Variants in PLCB1 observed in about 807,000 individuals in gnomAD.
PLCB1 encodes the protein phospholipase C beta 1, also known as 1-phosphatidylinositol 4,5-bisphosphate phosphodiesterase beta-1.
Under a neutral mutation model 161.8 loss-of-function variants are expected in PLCB1, and 46 were observed. The observed-to-expected ratio is 0.28, with a 90% CI of 0.22 to 0.36. PLCB1 has a LOEUF of 0.36. PLCB1 is among the 10% of genes least tolerant of loss of function. The pLI is 1.00. For synonymous variants in PLCB1, 517 were observed against 503.7 expected, an observed-to-expected ratio of 1.03 and a Z score of -0.35; for missense variants, 1,016 against 1,472.5, an observed-to-expected ratio of 0.69 and a Z score of 5.07.
At chr20:8,780,065 A>G (rs1304315385) in intron 27 of PLCB1, among the ~76,000 whole-genome samples, 2 of 152,218 alleles carry the variant, frequency 1.3e-5, no homozygotes, top group Non-Finnish European at 2.9e-5. Context: ...CCAGAGAAGA[A>G]CTACAGGGTC....
In PLCB1 at chr20:8,514,519, C is replaced by CA. The variant is rs374512384; in HGVS notation, c.247-113766dup. ...AAAACTCCATCTCTACAGAAAAATA[C>CA]AAAAAAAAATTAGCAAGGCATGGTG... On this transcript the variant is annotated intron_variant, in intron 3 of 31. Coordinates refer to ENST00000338037, the MANE Select transcript of PLCB1 (RefSeq NM_015192.4). Among the ~76,000 whole-genome samples the CA allele has an allele frequency of 1.5e-4, 21 of 143,736 alleles. No individual in the cohort carries two copies. The South Asian group carries it at 2.5e-3, about 17-fold the overall frequency. The allele number at this position is 143,736 out of a possible 152,430, so 94.3% of individuals were successfully genotyped here.
intron 26 of PLCB1, among the ~76,000 whole-genome samples, chr20:8,769,151 A>C (rs1427159423): frequency 6.6e-6 from 1 of 152,164 alleles, no homozygotes; most frequent in Admixed American, 6.5e-5. Flanking sequence ...CTCAGGGCTT[A>C]TTTAGCTGTC....
chr20:8,576,844 AC>A (rs1290963517), intron 3 of PLCB1, among the ~76,000 whole-genome samples: 1 of 152,244 alleles, frequency 6.6e-6, no homozygotes, highest in Non-Finnish European at 1.5e-5. Context: ...TTAATGATTA[AC>A]TACACAATAA....
chr20:8,303,007 A>T (rs529267003), intron 2 of PLCB1, among the ~76,000 whole-genome samples: 1 of 152,364 alleles, frequency 6.6e-6, no homozygotes, highest in East Asian at 1.9e-4. Context: ...GCTGTGAGGT[A>T]GGGATCAATG....
intron 3 of PLCB1, among the ~76,000 whole-genome samples, chr20:8,454,398 A>G (rs1274548380): frequency 6.6e-6 from 1 of 152,190 alleles, no homozygotes; most frequent in African/African-American, 2.4e-5. Context: ...TGTGTTTTTA[A>G]AAGATCAAAC....
intron 3 of PLCB1, among the ~76,000 whole-genome samples, chr20:8,478,932 A>G (rs923395964): frequency 6.6e-6 from 1 of 152,208 alleles, no homozygotes; most frequent in East Asian, 1.9e-4. Context: ...CTTGGTTTAC[A>G]TGGCTTATAA....
At chr20:8,395,006 TTTTC>T (rs1455618180) in intron 3 of PLCB1, among the ~76,000 whole-genome samples, 5 of 152,178 alleles carry the variant, frequency 3.3e-5, no homozygotes, top group African/African-American at 1.2e-4. Flanking sequence ...CAAACACAAT[TTTTC>T]TTTCTATGAA....
At chr20:8,649,547 T>G in intron 7 of PLCB1, 98 bp downstream of exon 7, 1 of 815,222 alleles carries the variant, frequency 1.2e-6, no homozygotes, top group East Asian at 2.4e-5. Context: ...AGGTAGGGCC[T>G]TTAAGAGGAA....
chr20:8,644,364 G>C (rs1186821597), intron 4 of PLCB1, among the ~76,000 whole-genome samples: 4 of 146,572 alleles, frequency 2.7e-5, no homozygotes, highest in Non-Finnish European at 4.5e-5. Context: ...GCCTCTTCCC[G>C]GCCGCCATCC....
chr20:8,240,565 C>T (rs1980558915), intron 2 of PLCB1, among the ~76,000 whole-genome samples: 1 of 151,900 alleles, frequency 6.6e-6, no homozygotes, highest in African/African-American at 2.4e-5. Flanking sequence ...CTGGAATGCA[C>T]ACACCTCCTT....
chr20:8,133,468 T>C (rs574473165), intron 1 of PLCB1, among the ~76,000 whole-genome samples: 1 of 152,124 alleles, frequency 6.6e-6, no homozygotes, highest in Admixed American at 6.5e-5. Flanking sequence ...CTGCCTGAAA[T>C]AGACAGGTTG....
At chr20:8,683,357 C>A (rs1990268799) in intron 9 of PLCB1, among the ~76,000 whole-genome samples, 1 of 150,434 alleles carries the variant, frequency 6.6e-6, no homozygotes, top group African/African-American at 2.5e-5. Flanking sequence ...CTTTAATGAA[C>A]ATATTCCACT....
At chr20:8,870,093 C>A (rs1008386987) in intron 31 of PLCB1, among the ~76,000 whole-genome samples, 5 of 152,120 alleles carry the variant, frequency 3.3e-5, no homozygotes, top group Admixed American at 6.5e-5. Context: ...AAATAGACTC[C>A]TCATCTCTCA....
At chr20:8,809,582 C>T (rs534553760) in intron 31 of PLCB1, among the ~76,000 whole-genome samples, 4 of 152,188 alleles carry the variant, frequency 2.6e-5, no homozygotes, top group Admixed American at 6.5e-5. Flanking sequence ...AATCATTTAC[C>T]GGCATACCAC....
chr20:8,881,668 T>A lies in PLCB1; in HGVS notation c.3470T>A (p.Leu1157Gln). The A allele has an allele frequency of 6.2e-7, 1 of 1,614,064 alleles. No individual in the cohort carries two copies. The highest frequency in any genetic ancestry group is 8.5e-7 in the Non-Finnish European group (1 of 1,180,002). ...EQEYQDKFKR[L>Q]PLEILEFVQE... ...GAATACCAAGACAAATTCAAAAGAC[T>A]GCCCCTCGAGATTTTGGAATTCGTG... is the stretch of plus-strand genomic sequence containing the variant. Residue 1157 changes from leucine (L) to glutamine (Q), a missense_variant, in exon 32 of 32, where the codon CTG (leucine) becomes CAG (glutamine). This residue lies in a region of PLCB1 where 398 missense variants were observed against 445.4 expected (regional missense o/e 0.89). Coordinates refer to ENST00000338037, the MANE Select transcript of PLCB1 (RefSeq NM_015192.4).
intron 2 of PLCB1, among the ~76,000 whole-genome samples, chr20:8,181,248 C>CAAAA (rs60871672): frequency 7.4e-5 from 6 of 81,296 alleles, no homozygotes; most frequent in African/African-American, 1.1e-4. Context: ...GACTCTGTCT[C>CAAAA]AAAAAAAAAA....
At chr20:8,610,446 T>G (rs980996575) in intron 3 of PLCB1, among the ~76,000 whole-genome samples, 3 of 152,232 alleles carry the variant, frequency 2.0e-5, no homozygotes, top group Non-Finnish European at 4.4e-5. Flanking sequence ...CTATGAACTT[T>G]CAGGTATAAG....
chr20:8,509,963 A>T (rs1180028871), intron 3 of PLCB1, among the ~76,000 whole-genome samples: 1 of 152,188 alleles, frequency 6.6e-6, no homozygotes, highest in Non-Finnish European at 1.5e-5. Flanking sequence ...TTATAATGTT[A>T]TCTTCTTTTC....
intron 31 of PLCB1, among the ~76,000 whole-genome samples, chr20:8,877,287 T>A (rs2146331809): frequency 6.6e-6 from 1 of 152,304 alleles, no homozygotes; most frequent in South Asian, 2.1e-4. Context: ...AAACTGGAAT[T>A]CCACAGTTGG....
Sources: gnomAD v4.1 joint callset for allele counts (sites outside exome capture counted in the v4.1 genomes callset) on GRCh38, gnomAD v4.1.1 for gene constraint, gnomAD v4.1.1 regional missense constraint, MANE v1.5 for transcripts, NCBI Gene and HGNC (gene_info 2026-07-23, HGNC 2026-07-21) for gene names.